SOX30: variants seen among roughly 807,000 people sequenced by gnomAD.
SOX30 encodes SRY-box transcription factor 30.
In SOX30, 17 loss-of-function variants were observed where a neutral mutation model predicts 58.6. The observed-to-expected ratio is 0.29, with a 90% CI of 0.20 to 0.44. The LOEUF (loss-of-function observed/expected upper bound fraction) is 0.44, where lower values mean the gene tolerates loss of function less well. Ranked by LOEUF, SOX30 falls within the 20% of genes least tolerant of loss-of-function variation. The probability of loss-of-function intolerance (pLI) is 1.00; values close to 1 mark genes in which losing one functional copy is unlikely to be tolerated. For synonymous variants in SOX30, 421 were observed against 400.2 expected, an observed-to-expected ratio of 1.05 and a Z score of -0.62; for missense variants, 951 against 965.8, an observed-to-expected ratio of 0.98 and a Z score of 0.20.
intron 3 of SOX30, among the ~76,000 whole-genome samples, chr5:157,642,871 C>A (rs996358272): frequency 6.6e-6 from 1 of 152,068 alleles, no homozygotes; most frequent in African/African-American, 2.4e-5. Context: ...TTAGTCATTA[C>A]GGTATAAACA....
At position 157,651,839 on chromosome 5, in the gene SOX30, C is replaced by G; in HGVS notation, c.240G>C (p.Leu80=). 1 of 1,585,394 alleles carries G rather than the reference C, an allele frequency of 6.3e-7. No homozygotes were observed. Among genetic ancestry groups the G allele is most frequent in the Non-Finnish European group, 8.5e-7 (1 of 1,170,010 alleles). The change falls in exon 1 of 5, where the codon CTG becomes CTC. Residue 80 remains leucine (L), a synonymous_variant. Coordinates refer to ENST00000265007, the MANE Select transcript of SOX30 (RefSeq NM_178424.2). The part of the protein sequence containing the change: ...LLQVKPEQVL[L]LPQPQAQNEE... ...CGTTCTGGGCCTGAGGCTGTGGTAG[C>G]AGCAACACCTGCTCTGGCTTCACCT...
chr5:157,644,583 G>A (rs1759143727), intron 3 of SOX30, among the ~76,000 whole-genome samples: 1 of 152,108 alleles, frequency 6.6e-6, no homozygotes, highest in South Asian at 2.1e-4. Context: ...TCTGTTTCTG[G>A]GAAGAGAAAA....
chr5:157,669,500 T>TTATG (rs1759735253), intron 1 of SOX30, among the ~76,000 whole-genome samples: 1 of 148,818 alleles, frequency 6.7e-6, no homozygotes, highest in Admixed American at 6.7e-5. Flanking sequence ...ATTTATTTAT[T>TTATG]TATTTATTTA....
At position 157,626,399 on chromosome 5, in the gene SOX30, G is replaced by T. The variant is rs78592223; in HGVS notation, c.2203C>A (p.Gln735Lys). The part of the protein sequence containing the change: ...APTSTPSSIQ[Q>K]VNVTDSDEEE... ...TCATCACTGTCGGTGACATTGACTT[G>T]CTGGATGCTAGAAGGAGTTGATGTC... Residue 735 changes from glutamine (Q) to lysine (K), a missense_variant, in exon 5 of 5, where the codon CAA becomes AAA. Coordinates refer to ENST00000265007, the MANE Select transcript of SOX30 (RefSeq NM_178424.2). 7 of 1,613,638 alleles carry T rather than the reference G, an allele frequency of 4.3e-6. No individual in the cohort carries two copies. The highest frequency in any genetic ancestry group is 5.9e-6 in the Non-Finnish European group (7 of 1,179,678).
chr5:157,660,906 C>T lies in SOX30; in HGVS notation c.52+6892G>A, dbSNP rs571997914. ...TGGATCAATTTTGGGAAAACTGACA[C>T]CTTGATGATACTGTATTTTCCTATT... On this transcript the variant is annotated intron_variant, in intron 2 of 5. Transcript: ENST00000519442. Among the ~76,000 whole-genome samples the T allele has an allele frequency of 2.0e-5, 3 of 152,254 alleles. No individual in the cohort carries two copies. In the East Asian group the frequency reaches 5.8e-4, roughly 29 times the overall value.
chr5:157,631,441 C>T (rs1374729170), intron 4 of SOX30, among the ~76,000 whole-genome samples: 2 of 152,114 alleles, frequency 1.3e-5, no homozygotes, highest in Non-Finnish European at 2.9e-5. Flanking sequence ...TACTTAAAAA[C>T]AAGTTGGTCC....
intron 3 of SOX30, 70 bp downstream of exon 3, chr5:157,646,567 A>G: frequency 9.2e-7 from 1 of 1,092,856 alleles, no homozygotes; most frequent in South Asian, 1.5e-5. Flanking sequence ...CAGAAAGAAC[A>G]CTTCAAACTT....
intron 2 of SOX30, among the ~76,000 whole-genome samples, chr5:157,665,329 G>A (rs531606332): frequency 1.8e-4 from 27 of 152,152 alleles, no homozygotes; most frequent in South Asian, 8.3e-4. Context: ...ACCATCATTC[G>A]CAGCAAACTA....
chr5:157,646,551 G>C, intron 3 of SOX30, 86 bp downstream of exon 3: 3 of 954,768 alleles, frequency 3.1e-6, no homozygotes, highest in Non-Finnish European at 4.7e-6. Flanking sequence ...AAATTCTTAA[G>C]ACTAACAGAA....
Position 157,636,788 on chromosome 5 carries a change from G to A in SOX30, c.1880+1442C>T, listed in dbSNP as rs923061910. 4.6e-5 allele frequency among the ~76,000 whole-genome samples: 7 copies of A among 152,188 alleles called. No individual in the cohort carries two copies. The East Asian group carries it at 5.8e-4, about 13-fold the overall frequency. On this transcript the variant is annotated intron_variant, in intron 4 of 4. Coordinates refer to ENST00000265007, the MANE Select transcript of SOX30 (RefSeq NM_178424.2). ...TGGTGTTAGACAGTTTAATACTCCC[G>A]TCTCAACAGAAACCATCTTTGTCTA...
intron 2 of SOX30, among the ~76,000 whole-genome samples, chr5:157,648,042 A>G (rs1759237897): frequency 6.6e-6 from 1 of 152,182 alleles, no homozygotes; most frequent in African/African-American, 2.4e-5. Context: ...CTTCATTACT[A>G]GAACCTCTCT....
Position 157,651,759 on chromosome 5 carries a change from A to T in SOX30, c.320T>A (p.Leu107Gln). The T allele has an allele frequency of 2.6e-6, 4 of 1,556,882 alleles. No homozygotes were observed. Among genetic ancestry groups the T allele is most frequent in the Non-Finnish European group, 3.5e-6 (4 of 1,154,074 alleles). ...QARLLQFRPD[L>Q]RLLQPPTASD... The stretch of plus-strand genomic sequence containing the variant: ...CGCTGTCGGCGGCTGCAGGAGCCGC[A>T]GGTCGGGCCTGAACTGCAACAGCCG... The change falls in exon 1 of 5, where the codon CTG becomes CAG. Residue 107 changes from leucine (L) to glutamine (Q), a missense_variant. Leu to Gln is a moderately radical substitution (Grantham distance 113). Around this residue, in one of 7 missense-constraint regions of SOX30, gnomAD observed 363 missense variants for 294.5 expected, o/e 1.23. Transcript: ENST00000265007.
intron 3 of SOX30, among the ~76,000 whole-genome samples, chr5:157,641,393 G>A (rs1759057534): frequency 3.3e-5 from 5 of 152,080 alleles, no homozygotes; most frequent in South Asian, 2.1e-4. Context: ...CAGGTAGATC[G>A]ACTGAGGTCA....
chr5:157,656,606 G>T (rs1386420084), upstream of SOX30, among the ~76,000 whole-genome samples: 1 of 152,146 alleles, frequency 6.6e-6, no homozygotes, highest in East Asian at 1.9e-4. Flanking sequence ...ACCAACCAGG[G>T]TTTTCACCAA....
chr5:157,637,990 A>C (rs1758970632), intron 4 of SOX30, among the ~76,000 whole-genome samples: 1 of 152,140 alleles, frequency 6.6e-6, no homozygotes, highest in African/African-American at 2.4e-5. Context: ...CACTGCCTGA[A>C]GCCTATATTC....
upstream of SOX30, chr5:157,652,467 A>G: frequency 9.8e-6 from 8 of 818,842 alleles, no homozygotes; most frequent in Non-Finnish European, 1.2e-5. Flanking sequence ...TTGCGCTTCC[A>G]GGCCGCTGAC....
At chr5:157,658,100 T>A (rs1461926332) in intron 2 of SOX30, among the ~76,000 whole-genome samples, 1 of 152,178 alleles carries the variant, frequency 6.6e-6, no homozygotes, top group Non-Finnish European at 1.5e-5. Flanking sequence ...ATCTCATAGG[T>A]ATTTGAGGGT....
intron 4 of SOX30, among the ~76,000 whole-genome samples, chr5:157,636,265 C>A (rs937400120): frequency 6.6e-6 from 1 of 152,176 alleles, no homozygotes; most frequent in African/African-American, 2.4e-5. Context: ...GTAGCAGATA[C>A]AATTTTCCAC....
chr5:157,645,461 G>A lies in SOX30; in HGVS notation c.1387+1176C>T, dbSNP rs146340118. ...GGTGGATCATTTGAGCCCAGGATTC[G>A]ACACCAGCCTGGGCAACATGGCAAA... On this transcript the variant is annotated intron_variant, in intron 3 of 4. Transcript: ENST00000265007. Among the ~76,000 whole-genome samples, 425 of 152,092 alleles carry A rather than the reference G, an allele frequency of 2.8e-3. 3 individuals are homozygous for A. The highest frequency in any genetic ancestry group is 9.8e-3 in the African/African-American group (405 of 41,478).
Sources: allele counts gnomAD v4.1 joint callset (sites outside exome capture counted in the v4.1 genomes callset), GRCh38; gene constraint gnomAD v4.1.1; regional missense constraint gnomAD v4.1.1; transcripts MANE v1.5; gene names NCBI Gene and HGNC (gene_info 2026-07-23, HGNC 2026-07-21).